SPAG16: variants seen among roughly 807,000 people sequenced by gnomAD.
SPAG16 encodes the protein sperm associated antigen 16, also known as sperm-associated antigen 16 protein.
SPAG16 carries 86 observed loss-of-function variants against 80.4 expected under a neutral mutation model. That is an observed-to-expected ratio of 1.07 (90% confidence interval 0.90 to 1.28). The LOEUF (loss-of-function observed/expected upper bound fraction) is 1.28. SPAG16 is among the 50% of genes most tolerant of loss of function. The pLI is 0.00. For missense variants in SPAG16, 870 were observed against 765.3 expected (o/e 1.14, Z -1.61); for synonymous variants, 294 against 265.9 (o/e 1.11, Z -1.03).
intron 10 of SPAG16, among the ~76,000 whole-genome samples, chr2:213,791,082 A>G (rs2070670699): frequency 6.6e-6 from 1 of 152,092 alleles, no homozygotes; most frequent in Non-Finnish European, 1.5e-5. Flanking sequence ...TAATTTAGCA[A>G]TGAGTTTTCA....
chr2:214,142,989 G>C (rs548049285), intron 14 of SPAG16, among the ~76,000 whole-genome samples: 14 of 151,966 alleles, frequency 9.2e-5, no homozygotes, highest in African/African-American at 3.4e-4. Flanking sequence ...TTTTTACTTA[G>C]TGCATAGTAT....
chr2:213,983,835 A>G (rs1486830750), intron 12 of SPAG16, among the ~76,000 whole-genome samples: 1 of 152,194 alleles, frequency 6.6e-6, no homozygotes, highest in Admixed American at 6.6e-5. Context: ...ATGTAGATAG[A>G]AAATGATAAA....
rs566985307 is a variant in SPAG16 at position 213,591,670 on chromosome 2, A to G, written c.1070+101580A>G. On this transcript the variant is annotated intron_variant, in intron 10 of 15. Coordinates refer to ENST00000331683, the MANE Select transcript of SPAG16 (RefSeq NM_024532.5). The stretch of plus-strand genomic sequence containing the variant: ...GGGAGAGAGATTGGGCTCGACTCCA[A>G]ATATAACAAGGAAAAATGATAATTT... Among the ~76,000 whole-genome samples, 12 of 152,294 alleles carry G rather than the reference A, an allele frequency of 7.9e-5. 1 individual carries two copies. The highest frequency in any genetic ancestry group is 2.1e-4 in the South Asian group (1 of 4,822).
intron 15 of SPAG16, among the ~76,000 whole-genome samples, chr2:214,269,709 G>A (rs963759230): frequency 1.3e-5 from 2 of 152,206 alleles, no homozygotes; most frequent in Middle Eastern, 3.4e-3. Context: ...TCATGTAGCT[G>A]TTAAAGGAGA....
At chr2:214,154,963 G>A (rs1268723716) in intron 15 of SPAG16, among the ~76,000 whole-genome samples, 1 of 152,156 alleles carries the variant, frequency 6.6e-6, no homozygotes, top group Non-Finnish European at 1.5e-5. Flanking sequence ...GAGAGAGAAA[G>A]TAAACAAGGT....
intron 15 of SPAG16, among the ~76,000 whole-genome samples, chr2:214,218,089 C>T (rs1377824704): frequency 6.6e-6 from 1 of 152,024 alleles, no homozygotes; most frequent in Non-Finnish European, 1.5e-5. Context: ...TCCAAAACAA[C>T]AAATAAAGAG....
intron 9 of SPAG16, among the ~76,000 whole-genome samples, chr2:213,478,038 G>A (rs2073516740): frequency 1.3e-5 from 2 of 152,138 alleles, no homozygotes; most frequent in South Asian, 4.1e-4. Context: ...GGTTTTAGAA[G>A]TGTCTGGCAT....
At chr2:213,977,437 C>A (rs968578217) in intron 12 of SPAG16, among the ~76,000 whole-genome samples, 1 of 151,504 alleles carries the variant, frequency 6.6e-6, no homozygotes, top group Non-Finnish European at 1.5e-5. Flanking sequence ...AGGTTACTGC[C>A]CCCCCCATAC....
chr2:213,574,466 A>G (rs1020694304), intron 10 of SPAG16, among the ~76,000 whole-genome samples: 1 of 151,976 alleles, frequency 6.6e-6, no homozygotes, highest in East Asian at 1.9e-4. Context: ...GGAGCTAAAC[A>G]TGGTGTTGGG....
intron 13 of SPAG16, among the ~76,000 whole-genome samples, chr2:214,079,853 A>G (rs913402528): frequency 2.6e-5 from 4 of 152,186 alleles, no homozygotes; most frequent in African/African-American, 9.7e-5. Flanking sequence ...AGAAAAGAGA[A>G]TTTCAAAAAC....
chr2:214,342,680 T>C (rs57603901), intron 15 of SPAG16, among the ~76,000 whole-genome samples: 2,802 of 152,198 alleles, frequency 0.018, 72 homozygotes, highest in African/African-American at 0.064. Context: ...GTAATGTGCT[T>C]GAATCATCCC....
intron 10 of SPAG16, among the ~76,000 whole-genome samples, chr2:213,645,473 G>T (rs895284180): frequency 6.6e-6 from 1 of 152,074 alleles, no homozygotes; most frequent in African/African-American, 2.4e-5. Flanking sequence ...GGTGATGAAT[G>T]CTGTCAGGAC....
chr2:213,502,411 C>A (rs1036686680), intron 10 of SPAG16, among the ~76,000 whole-genome samples: 4 of 152,152 alleles, frequency 2.6e-5, no homozygotes, highest in African/African-American at 9.7e-5. Context: ...GCATGAGCCA[C>A]TGCACCTGTC....
chr2:214,123,008 T>C (rs1432731776), intron 14 of SPAG16, among the ~76,000 whole-genome samples: 1 of 151,972 alleles, frequency 6.6e-6, no homozygotes, highest in Non-Finnish European at 1.5e-5. Context: ...TTTATGAAAT[T>C]AACTTTTTGC....
intron 9 of SPAG16, among the ~76,000 whole-genome samples, chr2:213,468,536 TATATATATATGTATTTATATATAGAG>T (rs1559163168): frequency 0.052 from 7,011 of 134,290 alleles, 850 homozygotes; most frequent in African/African-American, 0.18. Flanking sequence ...TATATATAGA[TATATATATATGTATTTATATATAGAG>T]ATATATATAT....
chr2:213,938,828 A>G (rs1160756378), intron 12 of SPAG16, among the ~76,000 whole-genome samples: 1 of 151,962 alleles, frequency 6.6e-6, no homozygotes, highest in East Asian at 1.9e-4. Context: ...TTACTGTTAT[A>G]TGGAAAATCA....
At chr2:213,406,824 C>T (rs900134410) in intron 9 of SPAG16, among the ~76,000 whole-genome samples, 6 of 151,862 alleles carry the variant, frequency 4.0e-5, no homozygotes, top group African/African-American at 1.2e-4. Context: ...CCAGGACGGT[C>T]TCTCCTCTCT....
intron 13 of SPAG16, among the ~76,000 whole-genome samples, chr2:214,030,120 C>A (rs187393306): frequency 0.013 from 1,943 of 152,204 alleles, 34 homozygotes; most frequent in African/African-American, 0.043. Flanking sequence ...TATTCATTGA[C>A]TAACTCTCTA....
chr2:213,804,721 C>G (rs866477331), intron 10 of SPAG16, among the ~76,000 whole-genome samples: 137 of 143,716 alleles, frequency 9.5e-4, no homozygotes, highest in Non-Finnish European at 1.7e-3. Flanking sequence ...AACTAACTAA[C>G]TAACTAACTA....
Sources: allele counts gnomAD v4.1 joint callset (sites outside exome capture counted in the v4.1 genomes callset), GRCh38; gene constraint gnomAD v4.1.1; transcripts MANE v1.5; gene names NCBI Gene and HGNC (gene_info 2026-07-23, HGNC 2026-07-21).